The following UQCC1 variants were observed in gnomAD, a reference collection of about 807,000 sequenced individuals.
The protein encoded by UQCC1 is bFGF-repressed Zic-binding protein.
In UQCC1, 38 loss-of-function variants were observed where a neutral mutation model predicts 48.0. The ratio of observed to expected loss-of-function variants is 0.79; its 90% confidence interval spans 0.61 to 1.04. The LOEUF is 1.04. Among genes scored for constraint, UQCC1 ranks in the 50% least tolerant of loss-of-function variants. UQCC1 has a pLI of 0.00. For missense variants in UQCC1, 368 were observed against 381.8 expected (o/e 0.96, Z 0.30); for synonymous variants, 111 against 129.2 (o/e 0.86, Z 0.95).
intron 7 of UQCC1, among the ~76,000 whole-genome samples, chr20:35,316,772 G>A (rs1437942490): frequency 2.0e-4 from 31 of 151,878 alleles, no homozygotes; most frequent in Admixed American, 2.0e-3. Context: ...CCAAGTAGCT[G>A]GGACTACAGG....
At chr20:35,406,559 A>C (rs1282106616) in intron 1 of UQCC1, among the ~76,000 whole-genome samples, 1 of 152,238 alleles carries the variant, frequency 6.6e-6, no homozygotes, top group Non-Finnish European at 1.5e-5. Context: ...ACAAAATGGA[A>C]AGAATTTGTC....
chr20:35,376,735 T>A (rs142174245), intron 4 of UQCC1, among the ~76,000 whole-genome samples: 91 of 152,092 alleles, frequency 6.0e-4, no homozygotes, highest in Admixed American at 3.8e-3. Flanking sequence ...GAGACTGAGG[T>A]GGGCGGATCA....
intron 6 of UQCC1, among the ~76,000 whole-genome samples, chr20:35,365,072 T>C (rs1213705624): frequency 1.3e-5 from 2 of 152,180 alleles, no homozygotes; most frequent in East Asian, 1.9e-4. Flanking sequence ...CCCTTCACCA[T>C]TCAGACAACA....
chr20:35,331,218 T>G (rs1234005018), intron 7 of UQCC1, among the ~76,000 whole-genome samples: 1 of 152,090 alleles, frequency 6.6e-6, no homozygotes, highest in Non-Finnish European at 1.5e-5. Flanking sequence ...AGCCAGCTGA[T>G]TCCTAACCCC....
intron 7 of UQCC1, among the ~76,000 whole-genome samples, chr20:35,332,663 C>G (rs1253924780): frequency 6.6e-6 from 1 of 152,198 alleles, no homozygotes; most frequent in African/African-American, 2.4e-5. Context: ...GCTCCCCACA[C>G]CAGACAGGTT....
At chr20:35,308,357 T>A (rs1198800563) in intron 8 of UQCC1, among the ~76,000 whole-genome samples, 1 of 152,280 alleles carries the variant, frequency 6.6e-6, no homozygotes, top group Non-Finnish European at 1.5e-5. Flanking sequence ...AACGATTTGC[T>A]AGCACAACAG....
chr20:35,335,412 G>A (rs2061304819), intron 7 of UQCC1, among the ~76,000 whole-genome samples: 1 of 151,956 alleles, frequency 6.6e-6, no homozygotes. Flanking sequence ...CTACACAACA[G>A]ACTATCCCAA....
chr20:35,306,870 G>C (rs369287182), intron 8 of UQCC1, 91 bp from the exon 9 acceptor site: 2 of 1,040,532 alleles, frequency 1.9e-6, no homozygotes, highest in African/African-American at 3.1e-5. Context: ...TAGCAACCAT[G>C]GAATCAGCTC....
intron 8 of UQCC1, among the ~76,000 whole-genome samples, chr20:35,312,551 G>A (rs1568648323): frequency 6.6e-6 from 1 of 152,200 alleles, no homozygotes; most frequent in Non-Finnish European, 1.5e-5. Flanking sequence ...CACTGTGAGA[G>A]TGCAGGGAGG....
intron 1 of UQCC1, among the ~76,000 whole-genome samples, chr20:35,403,481 C>T (rs1234632333): frequency 6.6e-6 from 1 of 152,098 alleles, no homozygotes; most frequent in Non-Finnish European, 1.5e-5. Context: ...CCTCAGGAGA[C>T]AAGTTGACTC....
chr20:35,383,447 T>G (rs922553895), intron 3 of UQCC1, among the ~76,000 whole-genome samples: 1 of 152,160 alleles, frequency 6.6e-6, no homozygotes, highest in Non-Finnish European at 1.5e-5. Flanking sequence ...ACACCTATAA[T>G]CTCAGTAATC....
chr20:35,356,173 GCCA>G (rs1284968670), intron 6 of UQCC1, among the ~76,000 whole-genome samples: 1 of 152,170 alleles, frequency 6.6e-6, no homozygotes, highest in East Asian at 1.9e-4. Flanking sequence ...ATAGGCGTGA[GCCA>G]CCACACCAGG....
At chr20:35,346,975 C>T (rs2061437948) in intron 7 of UQCC1, 189 bp downstream of exon 7, 5 of 1,525,986 alleles carry the variant, frequency 3.3e-6, no homozygotes, top group East Asian at 2.4e-5. Context: ...TGTGTACAAA[C>T]ACATAAAGTA....
chr20:35,394,865 C>T (rs1338284341), intron 1 of UQCC1, among the ~76,000 whole-genome samples: 1 of 152,150 alleles, frequency 6.6e-6, no homozygotes, highest in East Asian at 1.9e-4. Flanking sequence ...TAGTGGGTCC[C>T]CAGGTTACTC....
In UQCC1 at chr20:35,338,856, GAAAAAAAAAA is replaced by G. The variant is rs1172467457; in HGVS notation, c.573+8298_573+8307del. ...GAGAAAGCAAGACTCCGTCTCAAAA[GAAAAAAAAAA>G]AAAAAAAAAAAAAAAAAAAAAAAAA... On this transcript the variant is annotated intron_variant, in intron 7 of 9. Coordinates refer to ENST00000374385, the MANE Select transcript of UQCC1 (RefSeq NM_018244.5). Among the ~76,000 whole-genome samples, 30 of 26,846 alleles carry G rather than the reference GAAAAAAAAAA, an allele frequency of 1.1e-3. 1 individual carries two copies. The highest frequency in any genetic ancestry group is 6.4e-3 in the African/African-American group (22 of 3,414). 17.6% of individuals were successfully genotyped at this position (26,846 alleles called of 152,430 possible). A position where few individuals can be genotyped will look rare whatever the true frequency, so the allele number is the denominator to read the frequency against.
At position 35,378,646 on chromosome 20, in the gene UQCC1, G is replaced by A. The variant is rs530507926; in HGVS notation, c.333+3272C>T. Among the ~76,000 whole-genome samples, 459 of 152,144 alleles carry A rather than the reference G, an allele frequency of 3.0e-3. 2 individuals are homozygous for A. Among genetic ancestry groups the A allele is most frequent in the Non-Finnish European group, 5.5e-3 (373 of 67,976 alleles). Reference sequence around the variant, plus strand: ...CTCCAACTCAAAAAAAGATAAAAAAGAGTTAGAAGGGTGTTTTAAGTAATT... The same window carrying A: ...CTCCAACTCAAAAAAAGATAAAAAAAAGTTAGAAGGGTGTTTTAAGTAATT... On this transcript the variant is annotated intron_variant, in intron 4 of 9. Transcript: ENST00000374385.
chr20:35,349,855 G>A (rs2061471320), intron 6 of UQCC1, among the ~76,000 whole-genome samples: 1 of 152,146 alleles, frequency 6.6e-6, no homozygotes, highest in Non-Finnish European at 1.5e-5. Flanking sequence ...AAATTAGTCA[G>A]GTGCCGTGGT....
intron 6 of UQCC1, among the ~76,000 whole-genome samples, chr20:35,357,880 G>C (rs2061564298): frequency 6.6e-6 from 1 of 152,092 alleles, no homozygotes; most frequent in Non-Finnish European, 1.5e-5. Context: ...CACATCATGG[G>C]TGTATACCCT....
intron 7 of UQCC1, 110 bp downstream of exon 7, chr20:35,347,054 C>T: frequency 6.2e-7 from 1 of 1,610,752 alleles, no homozygotes; most frequent in Non-Finnish European, 8.5e-7. Flanking sequence ...TGATATTAGG[C>T]AGCATTTCAC....
Sources: allele counts gnomAD v4.1 joint callset (sites outside exome capture counted in the v4.1 genomes callset), GRCh38; gene constraint gnomAD v4.1.1; transcripts MANE v1.5; gene names NCBI Gene and HGNC (gene_info 2026-07-23, HGNC 2026-07-21).